The following SEMA3A variants were observed in gnomAD, a reference collection of about 807,000 sequenced individuals.
SEMA3A encodes the protein semaphorin 3A.
In SEMA3A, 29 loss-of-function variants were observed where a neutral mutation model predicts 97.9. The ratio of observed to expected loss-of-function variants is 0.30; its 90% CI spans 0.22 to 0.40. The LOEUF (loss-of-function observed/expected upper bound fraction) is 0.40, where lower values mean the gene tolerates loss of function less well. Among genes scored for constraint, SEMA3A ranks in the 10% least tolerant of loss-of-function variants. The pLI, the probability that SEMA3A is intolerant of heterozygous loss-of-function variation, is 1.00. For missense variants in SEMA3A, 763 were observed against 951.3 expected, an observed-to-expected ratio of 0.80 and a Z score of 2.60; for synonymous variants, 321 against 323.7, an observed-to-expected ratio of 0.99 and a Z score of 0.09.
At chr7:84,452,037 A>AT (rs1805570031) in intron 1 of SEMA3A, among the ~76,000 whole-genome samples, 1 of 152,136 alleles carries the variant, frequency 6.6e-6, no homozygotes, top group Admixed American at 6.6e-5. Flanking sequence ...TTTCAAATAT[A>AT]TTTTTTAAAA....
At chr7:84,208,281 C>T (rs192945972) in intron 3 of SEMA3A, among the ~76,000 whole-genome samples, 125 of 151,966 alleles carry the variant, frequency 8.2e-4, no homozygotes, top group East Asian at 9.8e-4. Context: ...TGAAACCCCG[C>T]CTCTACTAAA....
intron 3 of SEMA3A, among the ~76,000 whole-genome samples, chr7:84,245,370 C>T (rs1449522586): frequency 6.6e-6 from 1 of 151,918 alleles, no homozygotes; most frequent in African/African-American, 2.4e-5. Flanking sequence ...CTTTCTTCTA[C>T]TTGATCAATT....
intron 5 of SEMA3A, among the ~76,000 whole-genome samples, chr7:84,055,987 G>T (rs929275256): frequency 3.9e-5 from 6 of 152,094 alleles, no homozygotes; most frequent in Non-Finnish European, 8.8e-5. Flanking sequence ...ATTAAAAGGT[G>T]GTTGTGAATA....
chr7:83,979,623 C>T (rs964010563), intron 14 of SEMA3A, among the ~76,000 whole-genome samples: 2 of 151,954 alleles, frequency 1.3e-5, no homozygotes, highest in South Asian at 2.1e-4. Context: ...TTTGAAATTT[C>T]GACAAAATGA....
At chr7:84,317,443 T>C (rs1433300558) in intron 2 of SEMA3A, among the ~76,000 whole-genome samples, 2 of 152,180 alleles carry the variant, frequency 1.3e-5, no homozygotes, top group Non-Finnish European at 2.9e-5. Flanking sequence ...TTGAAGTAAG[T>C]CTAAGGCTTT....
chr7:84,321,489 T>A lies in SEMA3A; in HGVS notation c.-168-14197A>T, dbSNP rs548624803. On this transcript the variant is annotated intron_variant, in intron 2 of 3. Coordinates refer to the SEMA3A transcript ENST00000424555. ...TAAGACCAGACTGCCTGGGTTGATA[T>A]AATTGCTCTGCAACTAACCAGTTAT... 7.2e-5 allele frequency among the ~76,000 whole-genome samples: 11 copies of A among 152,232 alleles called. No individual in the cohort carries two copies. In the East Asian group the frequency reaches 2.1e-3, roughly 29 times the overall value.
intron 1 of SEMA3A, among the ~76,000 whole-genome samples, chr7:84,178,919 C>A (rs1311940897): frequency 3.3e-5 from 5 of 152,104 alleles, no homozygotes; most frequent in Admixed American, 3.3e-4. Flanking sequence ...CATTCTACTT[C>A]CTTCAGCTAG....
chr7:84,090,203 G>A (rs1366588551), intron 4 of SEMA3A, among the ~76,000 whole-genome samples: 3 of 152,110 alleles, frequency 2.0e-5, no homozygotes, highest in Non-Finnish European at 4.4e-5. Context: ...TTGGAAAGAA[G>A]TTGGTAAGAA....
chr7:84,048,849 T>C (rs188281271), intron 5 of SEMA3A, among the ~76,000 whole-genome samples: 53 of 152,054 alleles, frequency 3.5e-4, no homozygotes, highest in African/African-American at 1.1e-3. Flanking sequence ...ATGATGTTTA[T>C]TATATTTAAA....
intron 3 of SEMA3A, among the ~76,000 whole-genome samples, chr7:84,224,065 AT>A (rs1798937529): frequency 6.6e-6 from 1 of 151,940 alleles, no homozygotes; most frequent in Non-Finnish European, 1.5e-5. Flanking sequence ...ATTATTAGAT[AT>A]TGAGAATAAA....
chr7:84,279,630 C>T (rs999701468), intron 3 of SEMA3A, among the ~76,000 whole-genome samples: 16 of 152,160 alleles, frequency 1.1e-4, no homozygotes, highest in Non-Finnish European at 2.4e-4. Flanking sequence ...TGTGGGAGTT[C>T]GTTTTACTAC....
At chr7:84,224,831 T>C (rs552614772) in intron 3 of SEMA3A, among the ~76,000 whole-genome samples, 28 of 152,164 alleles carry the variant, frequency 1.8e-4, no homozygotes, top group Admixed American at 4.6e-4. Context: ...TAACTCTACA[T>C]AGAAGTTAAC....
intron 3 of SEMA3A, among the ~76,000 whole-genome samples, chr7:84,119,069 TA>T (rs1795521166): frequency 6.6e-6 from 1 of 152,174 alleles, no homozygotes; most frequent in African/African-American, 2.4e-5. Context: ...TTAATAATTT[TA>T]TTTACTTCTA....
At chr7:84,273,085 G>T (rs1276412871) in intron 3 of SEMA3A, among the ~76,000 whole-genome samples, 1 of 151,988 alleles carries the variant, frequency 6.6e-6, no homozygotes, top group Non-Finnish European at 1.5e-5. Context: ...TACTAAAGCA[G>T]GTCTTTTGCT....
intron 1 of SEMA3A, among the ~76,000 whole-genome samples, chr7:84,406,707 T>A (rs1804100605): frequency 6.6e-6 from 1 of 152,154 alleles, no homozygotes; most frequent in Non-Finnish European, 1.5e-5. Context: ...TCCACCATGA[T>A]CAAGTGGGCT....
intron 3 of SEMA3A, among the ~76,000 whole-genome samples, chr7:84,263,507 T>C (rs1188393367): frequency 6.6e-6 from 1 of 152,222 alleles, no homozygotes; most frequent in Non-Finnish European, 1.5e-5. Flanking sequence ...GTCTAAGAAA[T>C]GGGTTTAATA....
chr7:83,984,773 A>T (rs1292579866), intron 13 of SEMA3A, among the ~76,000 whole-genome samples: 1 of 152,006 alleles, frequency 6.6e-6, no homozygotes, highest in African/African-American at 2.4e-5. Flanking sequence ...TTGCCAAAGC[A>T]TCCATTTGAT....
chr7:84,230,896 T>A (rs1799102006), intron 3 of SEMA3A, among the ~76,000 whole-genome samples: 1 of 152,016 alleles, frequency 6.6e-6, no homozygotes, highest in Non-Finnish European at 1.5e-5. Context: ...TCTAACTTTA[T>A]CTTCTAGCAC....
chr7:84,097,349 A>T (rs1255256773), intron 4 of SEMA3A, among the ~76,000 whole-genome samples: 1 of 152,172 alleles, frequency 6.6e-6, no homozygotes, highest in Non-Finnish European at 1.5e-5. Flanking sequence ...ATATTTATTA[A>T]TCAGTAATCT....
Sources: allele counts gnomAD v4.1 joint callset (sites outside exome capture counted in the v4.1 genomes callset), GRCh38; gene constraint gnomAD v4.1.1; transcripts MANE v1.5; gene names NCBI Gene and HGNC (gene_info 2026-07-23, HGNC 2026-07-21).